The following DGKB variants were observed in gnomAD, a reference collection of about 807,000 sequenced individuals.
DGKB encodes the protein diacylglycerol kinase beta, also known as 90 kDa diacylglycerol kinase.
DGKB carries 67 observed loss-of-function variants against 114.3 expected under a neutral mutation model. The ratio of observed to expected loss-of-function variants is 0.59; its 90% confidence interval spans 0.48 to 0.72. The LOEUF (loss-of-function observed/expected upper bound fraction) is 0.72. Ranked by LOEUF, DGKB falls within the 30% of genes least tolerant of loss-of-function variation. The pLI is 0.00. For synonymous variants in DGKB, 398 were observed against 323.1 expected, an observed-to-expected ratio of 1.23 and a Z score of -2.49; for missense variants, 907 against 975.2, an observed-to-expected ratio of 0.93 and a Z score of 0.93.
At chr7:14,867,823 T>A (rs548934298) in intron 1 of DGKB, among the ~76,000 whole-genome samples, 1 of 152,248 alleles carries the variant, frequency 6.6e-6, no homozygotes, top group Non-Finnish European at 1.5e-5. Context: ...TTAGCATGGA[T>A]TCCTTAACCT....
At chr7:14,313,540 G>A (rs560128434) in intron 23 of DGKB, among the ~76,000 whole-genome samples, 1 of 152,238 alleles carries the variant, frequency 6.6e-6, no homozygotes, top group South Asian at 2.1e-4. Flanking sequence ...CGGGAAAATC[G>A]GGTCACTCCC....
chr7:14,746,794 C>T (rs2128422905), intron 4 of DGKB, among the ~76,000 whole-genome samples: 1 of 152,166 alleles, frequency 6.6e-6, no homozygotes, highest in African/African-American at 2.4e-5. Flanking sequence ...CCACCATGCC[C>T]AGCCAATTTG....
At chr7:14,882,019 T>C (rs1854306191) in intron 1 of DGKB, among the ~76,000 whole-genome samples, 1 of 152,112 alleles carries the variant, frequency 6.6e-6, no homozygotes, top group African/African-American at 2.4e-5. Context: ...AATAACATAT[T>C]TGAAATAAGC....
chr7:14,244,037 C>CAG (rs879539602), intron 23 of DGKB, among the ~76,000 whole-genome samples: 16 of 141,696 alleles, frequency 1.1e-4, no homozygotes, highest in East Asian at 4.4e-4. Flanking sequence ...GAGAGAGAGA[C>CAG]AGAGAGAGAG....
intron 13 of DGKB, among the ~76,000 whole-genome samples, chr7:14,651,160 A>T (rs899449669): frequency 2.8e-4 from 43 of 152,176 alleles, no homozygotes; most frequent in African/African-American, 1.0e-3. Flanking sequence ...GGCCAGCATC[A>T]TTCTGATACC....
intron 21 of DGKB, among the ~76,000 whole-genome samples, chr7:14,472,779 G>A (rs1388162722): frequency 6.6e-6 from 1 of 152,144 alleles, no homozygotes; most frequent in Non-Finnish European, 1.5e-5. Context: ...GTTGGGAACT[G>A]GAGCAAAGAT....
chr7:14,548,945 G>A (rs1794711167), intron 20 of DGKB, among the ~76,000 whole-genome samples: 1 of 151,856 alleles, frequency 6.6e-6, no homozygotes, highest in Admixed American at 6.6e-5. Flanking sequence ...GTGATCTAGG[G>A]CATGCTGTCT....
intron 23 of DGKB, among the ~76,000 whole-genome samples, chr7:14,187,296 C>G (rs1216122659): frequency 1.3e-5 from 2 of 152,142 alleles, no homozygotes; most frequent in African/African-American, 4.8e-5. Flanking sequence ...TCTGGTTCAG[C>G]AGCAGACAAA....
At chr7:14,379,628 C>G (rs926448234) in intron 21 of DGKB, among the ~76,000 whole-genome samples, 2 of 151,982 alleles carry the variant, frequency 1.3e-5, no homozygotes, top group Admixed American at 1.3e-4. Context: ...GGCACGATCT[C>G]GGCTCACTGC....
intron 1 of DGKB, among the ~76,000 whole-genome samples, chr7:14,914,759 T>G (rs921420731): frequency 2.6e-5 from 4 of 151,604 alleles, no homozygotes; most frequent in Non-Finnish European, 5.9e-5. Flanking sequence ...ACGGAAAAAG[T>G]AGACAACATT....
chr7:14,213,305 A>G lies in DGKB; in HGVS notation c.2123-35154T>C, dbSNP rs114700650. Among the ~76,000 whole-genome samples the G allele has an allele frequency of 6.8e-3, 1,031 of 152,190 alleles. 7 individuals carry two copies. Among genetic ancestry groups the G allele is most frequent in the African/African-American group, 0.023 (961 of 41,532 alleles). On this transcript the variant is annotated intron_variant, in intron 23 of 25. Coordinates refer to ENST00000402815, the MANE Select transcript of DGKB (RefSeq NM_001350709.2). ...TTTTTCTGTTAACAATGCTGCAATGAATATATTCAAGCATGGCTCCTTATA... is the reference window on the plus strand; with the variant it reads ...TTTTTCTGTTAACAATGCTGCAATGGATATATTCAAGCATGGCTCCTTATA...
rs1781762245 is a variant in DGKB, at chr7:14,148,819, T to C, written c.*312A>G. Reference sequence around the variant, plus strand: ...CTTTTTCATGTTTCACGGGTTTTTCTCACAGGTTAGTAAAAGGAAATTGGG... The same window carrying C: ...CTTTTTCATGTTTCACGGGTTTTTCCCACAGGTTAGTAAAAGGAAATTGGG... On this transcript the variant is annotated 3_prime_UTR_variant, in exon 26 of 26. Transcript: ENST00000402815. The C allele has an allele frequency of 1.6e-5, 6 of 367,610 alleles. No homozygotes were observed. The South Asian group carries it at 1.8e-4, about 11-fold the overall frequency. The allele number at this position is 367,610 out of a possible 1,614,324, so 22.8% of individuals were successfully genotyped here.
At chr7:14,279,951 G>T (rs1336405772) in intron 23 of DGKB, among the ~76,000 whole-genome samples, 4 of 152,170 alleles carry the variant, frequency 2.6e-5, no homozygotes, top group African/African-American at 7.2e-5. Context: ...AAATCAGAGC[G>T]ACTCTCCTCC....
At chr7:14,658,424 T>C (rs1211829898) in intron 13 of DGKB, among the ~76,000 whole-genome samples, 1 of 151,920 alleles carries the variant, frequency 6.6e-6, no homozygotes, top group African/African-American at 2.4e-5. Context: ...AGAGTTTGCA[T>C]GTTTGTGGAG....
chr7:14,812,390 C>G (rs1311077180), intron 2 of DGKB, among the ~76,000 whole-genome samples: 1 of 151,734 alleles, frequency 6.6e-6, no homozygotes, highest in East Asian at 1.9e-4. Context: ...TAAAATAAAG[C>G]CATTTTGTGT....
chr7:14,589,051 T>C (rs1801245005), intron 17 of DGKB, among the ~76,000 whole-genome samples: 1 of 152,090 alleles, frequency 6.6e-6, no homozygotes, highest in African/African-American at 2.4e-5. Context: ...TTTATTTACA[T>C]ATTCTTTAAT....
chr7:14,216,966 T>C (rs1268981390), intron 23 of DGKB, among the ~76,000 whole-genome samples: 1 of 152,102 alleles, frequency 6.6e-6, no homozygotes, highest in Admixed American at 6.6e-5. Context: ...TGTAGTACAC[T>C]GAACAAGAAA....
chr7:14,696,035 A>G (rs1585732315), intron 8 of DGKB, among the ~76,000 whole-genome samples: 1 of 152,118 alleles, frequency 6.6e-6, no homozygotes, highest in African/African-American at 2.4e-5. Flanking sequence ...CCATTCAATA[A>G]TCTGACAAAT....
intron 1 of DGKB, among the ~76,000 whole-genome samples, chr7:14,842,199 G>A (rs139463427): frequency 1.3e-5 from 2 of 152,204 alleles, no homozygotes; most frequent in East Asian, 3.9e-4. Context: ...TTACTTTTTT[G>A]TAAAATTGTA....
Sources: allele counts gnomAD v4.1 joint callset (sites outside exome capture counted in the v4.1 genomes callset), GRCh38; gene constraint gnomAD v4.1.1; transcripts MANE v1.5; gene names NCBI Gene and HGNC (gene_info 2026-07-23, HGNC 2026-07-21).